The following EPHA3 variants were observed in gnomAD, a reference collection of about 807,000 sequenced individuals.
The protein encoded by EPHA3 is EPH receptor A3.
EPHA3 carries 42 observed loss-of-function variants against 107.1 expected under a neutral mutation model. The ratio of observed to expected loss-of-function variants is 0.39; its 90% confidence interval spans 0.31 to 0.51. EPHA3 has a LOEUF of 0.51. Among genes scored for constraint, EPHA3 ranks in the 20% least tolerant of loss-of-function variants. The pLI is 0.78. For missense variants in EPHA3, 1,183 were observed against 1,211.2 expected, an observed-to-expected ratio of 0.98 and a Z score of 0.35; for synonymous variants, 461 against 424.8, an observed-to-expected ratio of 1.09 and a Z score of -1.05.
intron 3 of EPHA3, among the ~76,000 whole-genome samples, chr3:89,234,448 T>C (rs562972582): frequency 1.3e-5 from 2 of 152,332 alleles, no homozygotes; most frequent in African/African-American, 4.8e-5. Context: ...GAATGTTTTT[T>C]ATTTATATTT....
At chr3:89,390,600 CAAAAAAAAAA>C (rs34753229) in intron 5 of EPHA3, among the ~76,000 whole-genome samples, 2 of 114,176 alleles carry the variant, frequency 1.8e-5, no homozygotes, top group Non-Finnish European at 3.5e-5. Flanking sequence ...ACTCCGTTTC[CAAAAAAAAAA>C]AAAAAAAAAG....
At chr3:89,461,306 T>G (rs1313567973) in intron 15 of EPHA3, among the ~76,000 whole-genome samples, 2 of 93,426 alleles carry the variant, frequency 2.1e-5, no homozygotes, top group South Asian at 3.8e-4. Flanking sequence ...TGTGTCTTTA[T>G]AGCAGCATGA....
intron 5 of EPHA3, among the ~76,000 whole-genome samples, chr3:89,351,448 T>A (rs1049295830): frequency 1.3e-5 from 2 of 150,744 alleles, no homozygotes; most frequent in African/African-American, 4.8e-5. Flanking sequence ...GCTTCCCAGG[T>A]GAGGCAATGC....
rs1704353626 is a variant in EPHA3, at chr3:89,138,066, A to T, written c.153+10793A>T. Among the ~76,000 whole-genome samples the T allele has an allele frequency of 3.3e-5, 5 of 152,106 alleles. No homozygotes were observed. The South Asian group carries it at 8.3e-4, about 25-fold the overall frequency. On this transcript the variant is annotated intron_variant, in intron 2 of 16. Transcript: ENST00000336596. ...CGTTATCTGATGTAATGAGGCACACAGTACTTACTAAGATATTCAGCTGCT... is the reference window on the plus strand; with the variant it reads ...CGTTATCTGATGTAATGAGGCACACTGTACTTACTAAGATATTCAGCTGCT...
At chr3:89,422,002 C>T (rs914419281) in intron 11 of EPHA3, among the ~76,000 whole-genome samples, 10 of 151,230 alleles carry the variant, frequency 6.6e-5, no homozygotes, top group African/African-American at 1.9e-4. Context: ...GTCAAATAAG[C>T]ATGTAAGAAG....
chr3:89,278,581 T>C (rs540998945), intron 3 of EPHA3, among the ~76,000 whole-genome samples: 1 of 152,262 alleles, frequency 6.6e-6, no homozygotes, highest in Admixed American at 6.5e-5. Context: ...TCTTGTGGAC[T>C]TCATGCGCAA....
chr3:89,257,124 A>C (rs1705303484), intron 3 of EPHA3, among the ~76,000 whole-genome samples: 1 of 152,172 alleles, frequency 6.6e-6, no homozygotes, highest in African/African-American at 2.4e-5. Context: ...AATTCACAAC[A>C]CTGAACTTTT....
chr3:89,293,874 C>T (rs1424516367), intron 3 of EPHA3, among the ~76,000 whole-genome samples: 3 of 152,112 alleles, frequency 2.0e-5, no homozygotes, highest in African/African-American at 7.2e-5. Flanking sequence ...TCTGCCTCAA[C>T]TAATCATCTC....
chr3:89,460,016 T>C (rs1459973633), intron 15 of EPHA3, among the ~76,000 whole-genome samples: 1 of 152,192 alleles, frequency 6.6e-6, no homozygotes, highest in African/African-American at 2.4e-5. Flanking sequence ...AATAAATTTA[T>C]TCACTTATTT....
At position 89,407,260 on chromosome 3, in the gene EPHA3, A is replaced by G; in HGVS notation, c.1595-9A>G. The G allele has an allele frequency of 6.2e-7, 1 of 1,609,718 alleles. No individual in the cohort carries two copies. Among genetic ancestry groups the G allele is most frequent in the Non-Finnish European group, 8.5e-7 (1 of 1,176,338 alleles). On this transcript the variant is annotated splice_polypyrimidine_tract_variant and intron_variant, in intron 7 of 16. Transcript: ENST00000336596. ...TACCTGTTCTTATTTTTTCTCTTCAACCTCACAGCTTTCTCCATCTCTGGT... is the reference window on the plus strand; with the variant it reads ...TACCTGTTCTTATTTTTTCTCTTCAGCCTCACAGCTTTCTCCATCTCTGGT...
At chr3:89,468,581 C>T (rs1266278583) in intron 15 of EPHA3, among the ~76,000 whole-genome samples, 2 of 152,208 alleles carry the variant, frequency 1.3e-5, no homozygotes, top group African/African-American at 4.8e-5. Context: ...AGATTCTGTG[C>T]TCCAGCTACT....
chr3:89,354,195 GT>G lies in EPHA3; in HGVS notation c.1306+12107del, dbSNP rs1398701690. Among the ~76,000 whole-genome samples the G allele has an allele frequency of 4.6e-5, 7 of 151,146 alleles. 1 individual carries two copies. The highest frequency in any genetic ancestry group is 8.9e-5 in the Non-Finnish European group (6 of 67,540). On this transcript the variant is annotated intron_variant, in intron 5 of 16. Coordinates refer to ENST00000336596, the MANE Select transcript of EPHA3 (RefSeq NM_005233.6). ...AAATCATATTTTATACTTTAAATGTGTTCTACCTCCCTAAAGTTAACTGAAA... is the reference window on the plus strand; with the variant it reads ...AAATCATATTTTATACTTTAAATGTGTCTACCTCCCTAAAGTTAACTGAAA...
In EPHA3 at chr3:89,353,894, T is replaced by C. The variant is rs76703044; in HGVS notation, c.1306+11804T>C. ...CATTCCGTCTTCATTTCTGGTTTTA[T>C]ATACGACTCTAATTAATGGAGAAGA... On this transcript the variant is annotated intron_variant, in intron 5 of 16. Coordinates refer to ENST00000336596, the MANE Select transcript of EPHA3 (RefSeq NM_005233.6). 1.3e-3 allele frequency among the ~76,000 whole-genome samples: 203 copies of C among 151,472 alleles called. 5 individuals carry two copies. In the East Asian group the frequency reaches 0.035, roughly 26 times the overall value.
intron 2 of EPHA3, among the ~76,000 whole-genome samples, chr3:89,193,328 C>T (rs747998793): frequency 6.6e-6 from 1 of 152,006 alleles, no homozygotes; most frequent in Non-Finnish European, 1.5e-5. Flanking sequence ...TTTGTAGCTG[C>T]TCCCCACCAA....
chr3:89,182,912 A>G (rs978208115), intron 2 of EPHA3, among the ~76,000 whole-genome samples: 1 of 151,946 alleles, frequency 6.6e-6, no homozygotes, highest in Admixed American at 6.6e-5. Context: ...TGTTACTAAA[A>G]TATTTTGAAT....
At chr3:89,468,351 A>G (rs1710331709) in intron 15 of EPHA3, among the ~76,000 whole-genome samples, 1 of 151,980 alleles carries the variant, frequency 6.6e-6, no homozygotes, top group Non-Finnish European at 1.5e-5. Context: ...GTTCTATTTC[A>G]ATTTGTTTAT....
intron 3 of EPHA3, among the ~76,000 whole-genome samples, chr3:89,286,119 C>CAT (rs1553677460): frequency 2.1e-4 from 29 of 136,658 alleles, no homozygotes; most frequent in South Asian, 5.2e-4. Context: ...TCAATTTCTA[C>CAT]GTGTGTGTGT....
At chr3:89,312,638 A>T (rs1252154037) in intron 3 of EPHA3, among the ~76,000 whole-genome samples, 1 of 151,602 alleles carries the variant, frequency 6.6e-6, no homozygotes, top group African/African-American at 2.4e-5. Flanking sequence ...TACATAAGTA[A>T]ACTTCTATCA....
chr3:89,235,692 C>T (rs1478055750), intron 3 of EPHA3, among the ~76,000 whole-genome samples: 1 of 151,706 alleles, frequency 6.6e-6, no homozygotes, highest in Non-Finnish European at 1.5e-5. Flanking sequence ...ATTAAAACTA[C>T]CCTATTTTTT....
Sources: gnomAD v4.1 joint callset for allele counts (sites outside exome capture counted in the v4.1 genomes callset) on GRCh38, gnomAD v4.1.1 for gene constraint, MANE v1.5 for transcripts, NCBI Gene and HGNC (gene_info 2026-07-23, HGNC 2026-07-21) for gene names.